RPS6KA2: variants seen among roughly 807,000 people sequenced by gnomAD.
RPS6KA2 encodes the protein ribosomal protein S6 kinase alpha-2.
Under a neutral mutation model 91.8 loss-of-function variants are expected in RPS6KA2, and 42 were observed. That is an observed-to-expected ratio of 0.46 (90% CI 0.36 to 0.59). The LOEUF (loss-of-function observed/expected upper bound fraction) is 0.59, where lower values mean the gene tolerates loss of function less well. Among genes scored for constraint, RPS6KA2 ranks in the 20% least tolerant of loss-of-function variants. The pLI, the probability that RPS6KA2 is intolerant of heterozygous loss-of-function variation, is 0.00. For synonymous variants in RPS6KA2, 414 were observed against 393.6 expected, an observed-to-expected ratio of 1.05 and a Z score of -0.61; for missense variants, 798 against 978.5, an observed-to-expected ratio of 0.82 and a Z score of 2.46.
chr6:166,816,413 G>C (rs1259683758), intron 2 of RPS6KA2, among the ~76,000 whole-genome samples: 2 of 97,144 alleles, frequency 2.1e-5, no homozygotes, highest in African/African-American at 7.5e-5. Context: ...AAAATAGCTG[G>C]GTGTGGTGGC....
At chr6:166,745,511 C>G (rs1790976489) in intron 2 of RPS6KA2, among the ~76,000 whole-genome samples, 1 of 152,128 alleles carries the variant, frequency 6.6e-6, no homozygotes, top group African/African-American at 2.4e-5. Context: ...CCTTCAAGAC[C>G]ATTTTACCTT....
intron 2 of RPS6KA2, among the ~76,000 whole-genome samples, chr6:166,750,738 A>G (rs555850998): frequency 2.6e-5 from 4 of 152,200 alleles, no homozygotes; most frequent in Non-Finnish European, 5.9e-5. Context: ...TCCAGCCCTC[A>G]TGCACCAGAA....
chr6:166,562,811 G>A (rs547106276), intron 1 of RPS6KA2, among the ~76,000 whole-genome samples: 2 of 152,342 alleles, frequency 1.3e-5, no homozygotes, highest in Non-Finnish European at 2.9e-5. Flanking sequence ...GGACAGCATG[G>A]CCACGATGGG....
chr6:166,680,453 C>T (rs190151746), intron 2 of RPS6KA2, among the ~76,000 whole-genome samples: 1 of 152,196 alleles, frequency 6.6e-6, no homozygotes, highest in African/African-American at 2.4e-5. Context: ...GGTCCCCTTC[C>T]ACGTTGTGGA....
At chr6:166,610,908 C>G (rs1332176078) in intron 1 of RPS6KA2, among the ~76,000 whole-genome samples, 1 of 151,898 alleles carries the variant, frequency 6.6e-6, no homozygotes, top group African/African-American at 2.4e-5. Flanking sequence ...TTTTTGAATC[C>G]TCACTTCTTT....
chr6:166,535,392 C>A (rs964593122), intron 2 of RPS6KA2, among the ~76,000 whole-genome samples: 1 of 152,152 alleles, frequency 6.6e-6, no homozygotes, highest in Non-Finnish European at 1.5e-5. Context: ...AACAGCCACC[C>A]CCAAAAGGAA....
chr6:166,744,136 G>A (rs1790906272), intron 2 of RPS6KA2, among the ~76,000 whole-genome samples: 1 of 152,152 alleles, frequency 6.6e-6, no homozygotes, highest in Non-Finnish European at 1.5e-5. Flanking sequence ...CCACGCTAGT[G>A]TGGTCACTCC....
chr6:166,712,376 A>G (rs1789888312), intron 2 of RPS6KA2, among the ~76,000 whole-genome samples: 1 of 152,180 alleles, frequency 6.6e-6, no homozygotes, highest in Admixed American at 6.5e-5. Context: ...CTGAGTACAG[A>G]TGGTTTTTTT....
intron 13 of RPS6KA2, among the ~76,000 whole-genome samples, chr6:166,449,535 A>C (rs1436193784): frequency 6.6e-6 from 1 of 152,152 alleles, no homozygotes; most frequent in African/African-American, 2.4e-5. Flanking sequence ...TCATTATGAA[A>C]ATACCACCTT....
At position 166,839,988 on chromosome 6, in the gene RPS6KA2, A is replaced by G. The variant is rs1259639073; in HGVS notation, c.123+18212T>C. Among the ~76,000 whole-genome samples, 3 of 135,612 alleles carry G rather than the reference A, an allele frequency of 2.2e-5. No individual in the cohort carries two copies. In the South Asian group the frequency reaches 7.1e-4, roughly 32 times the overall value. The allele number at this position is 135,612 out of a possible 152,430, so 89.0% of individuals were successfully genotyped here. ...TCAACTATTGAATGAAATTAGTATT[A>G]TTCCATATATATATATGTAAGCAAT... On this transcript the variant is annotated intron_variant, in intron 2 of 21. Coordinates refer to the RPS6KA2 transcript ENST00000503859.
chr6:166,767,350 C>T lies in RPS6KA2; in HGVS notation c.123+90850G>A, dbSNP rs1004722957. On this transcript the variant is annotated intron_variant, in intron 2 of 21. Coordinates refer to the RPS6KA2 transcript ENST00000503859. This position sits in a 1 kb window ranked among gnomAD's most constrained non-coding sequence, Gnocchi z 4.6. Reference sequence around the variant, plus strand: ...GACAGAGGAAAACAGAAAAATCACTCCTCTAACCAAGACCACAAAGGCCGC... The same window carrying T: ...GACAGAGGAAAACAGAAAAATCACTTCTCTAACCAAGACCACAAAGGCCGC... Among the ~76,000 whole-genome samples, 1 of 152,188 alleles carries T rather than the reference C, an allele frequency of 6.6e-6. No homozygotes were observed. Among genetic ancestry groups the T allele is most frequent in the African/African-American group, 2.4e-5 (1 of 41,430 alleles).
intron 1 of RPS6KA2, among the ~76,000 whole-genome samples, chr6:166,609,035 A>C (rs1786060762): frequency 6.6e-6 from 1 of 152,226 alleles, no homozygotes; most frequent in Non-Finnish European, 1.5e-5. Flanking sequence ...GAAAATTGTC[A>C]GGCCTGAGAG....
At chr6:166,546,587 T>C (rs574478500) in intron 1 of RPS6KA2, among the ~76,000 whole-genome samples, 1 of 151,830 alleles carries the variant, frequency 6.6e-6, no homozygotes, top group African/African-American at 2.4e-5. Context: ...AAAACCTACA[T>C]CATCATAAAC....
chr6:166,746,790 G>A (rs1791027858), intron 2 of RPS6KA2, among the ~76,000 whole-genome samples: 1 of 152,208 alleles, frequency 6.6e-6, no homozygotes, highest in South Asian at 2.1e-4. Flanking sequence ...CAACTAAATA[G>A]GGGTTCCTAT....
Position 166,445,666 on chromosome 6 carries a change from C to T in RPS6KA2, c.1332+3058G>A, listed in dbSNP as rs1779655615. On this transcript the variant is annotated intron_variant, in intron 14 of 20. Coordinates refer to ENST00000265678, the MANE Select transcript of RPS6KA2 (RefSeq NM_021135.6). This position sits in a 1 kb window ranked among gnomAD's most constrained non-coding sequence, Gnocchi z 4.5. ...TTGCTTACTAAAGATTGCTGCATTTCTCTTTCTGTCATTACTCGGTGGGGA... is the reference window on the plus strand; with the variant it reads ...TTGCTTACTAAAGATTGCTGCATTTTTCTTTCTGTCATTACTCGGTGGGGA... Among the ~76,000 whole-genome samples the T allele has an allele frequency of 6.6e-6, 1 of 152,208 alleles. No homozygotes were observed. The highest frequency in any genetic ancestry group is 2.1e-4 in the South Asian group (1 of 4,824).
At chr6:166,844,525 C>T (rs1356350301) in intron 2 of RPS6KA2, among the ~76,000 whole-genome samples, 3 of 152,182 alleles carry the variant, frequency 2.0e-5, no homozygotes, top group Admixed American at 2.0e-4. Flanking sequence ...GAGGCAAAAG[C>T]ATCAGGTAAC....
In RPS6KA2 at chr6:166,640,996, C is replaced by T. The variant is rs559169767; in HGVS notation, c.124-102212G>A. 7.9e-5 allele frequency among the ~76,000 whole-genome samples: 12 copies of T among 152,322 alleles called. No individual in the cohort carries two copies. In the East Asian group the frequency reaches 2.3e-3, roughly 29 times the overall value. Reference sequence around the variant, plus strand: ...ACTTCAGCCAGTTGGAAGCCAAAATCCTCACTGCTAGTATGGCCTGAAAAA... The same window carrying T: ...ACTTCAGCCAGTTGGAAGCCAAAATTCTCACTGCTAGTATGGCCTGAAAAA... On this transcript the variant is annotated intron_variant, in intron 2 of 21. Coordinates refer to the RPS6KA2 transcript ENST00000503859.
At chr6:166,523,914 GGTCAC>G (rs1462163556) in intron 3 of RPS6KA2, among the ~76,000 whole-genome samples, 1 of 152,192 alleles carries the variant, frequency 6.6e-6, no homozygotes, top group Non-Finnish European at 1.5e-5. Flanking sequence ...TGTCTATGCG[GGTCAC>G]TACACACAGC....
At chr6:166,796,049 T>C (rs962758667) in intron 2 of RPS6KA2, among the ~76,000 whole-genome samples, 6 of 151,850 alleles carry the variant, frequency 4.0e-5, no homozygotes, top group African/African-American at 1.2e-4. Context: ...GAGCTTTTCT[T>C]ATCTGACCAG....
Sources: gnomAD v4.1 joint callset for allele counts (sites outside exome capture counted in the v4.1 genomes callset) on GRCh38, gnomAD v4.1.1 for gene constraint, Gnocchi (gnomAD v3.1) non-coding constraint, MANE v1.5 for transcripts, NCBI Gene and HGNC (gene_info 2026-07-23, HGNC 2026-07-21) for gene names.